The following RAD21 variants were observed in gnomAD, a reference collection of about 807,000 sequenced individuals.
RAD21 encodes RAD21 cohesin complex component, also known as double-strand-break repair protein rad21 homolog.
RAD21 carries 18 observed loss-of-function variants against 71.5 expected under a neutral mutation model. The observed-to-expected ratio is 0.25, with a 90% CI of 0.17 to 0.37. RAD21 has a LOEUF of 0.37. Among genes scored for constraint, RAD21 ranks in the 10% least tolerant of loss-of-function variants. RAD21 has a pLI of 1.00. For missense variants in RAD21, 493 were observed against 769.1 expected (o/e 0.64, Z 4.25); for synonymous variants, 248 against 254.0 (o/e 0.98, Z 0.22).
Position 116,847,274 on chromosome 8 carries a change from G to A in RAD21, c.*226C>T, listed in dbSNP as rs577399819. ...GTTAAAATCATCTTCTGAGTCCTTG[G>A]GGTGCTGTTTTCTCCATCAGAACAC... On this transcript the variant is annotated 3_prime_UTR_variant, in exon 14 of 14. Transcript: ENST00000297338. The A allele has an allele frequency of 4.2e-5, 19 of 453,710 alleles. No homozygotes were observed. The South Asian group carries it at 6.7e-4, about 16-fold the overall frequency. 28.1% of individuals were successfully genotyped at this position (453,710 alleles called of 1,614,324 possible).
intron 1 of RAD21, among the ~76,000 whole-genome samples, chr8:116,869,588 A>G (rs1812768841): frequency 6.6e-6 from 1 of 152,194 alleles, no homozygotes; most frequent in African/African-American, 2.4e-5. Context: ...CTGTATAAAA[A>G]GAAAAAAAAA....
chr8:116,851,625 C>T (rs1812350245), intron 11 of RAD21: 1 of 196,770 alleles, frequency 5.1e-6, no homozygotes, highest in Admixed American at 5.9e-5. Flanking sequence ...AATAAGATGA[C>T]CTAAAACTGC....
At chr8:116,873,102 AAT>A (rs1379877548) in intron 1 of RAD21, among the ~76,000 whole-genome samples, 1 of 152,268 alleles carries the variant, frequency 6.6e-6, no homozygotes, top group African/African-American at 2.4e-5. Flanking sequence ...CAGCCAGTAT[AAT>A]CATGCCTAAC....
At chr8:116,865,470 A>G (rs1812670715) in intron 2 of RAD21, among the ~76,000 whole-genome samples, 1 of 152,176 alleles carries the variant, frequency 6.6e-6, no homozygotes, top group African/African-American at 2.4e-5. Context: ...TTCTCATACA[A>G]TTTGACCAGC....
intron 3 of RAD21, 140 bp downstream of exon 3, chr8:116,862,990 C>G: frequency 8.8e-7 from 1 of 1,133,504 alleles, no homozygotes; most frequent in Admixed American, 2.6e-5. Context: ...AAGCCTTGCT[C>G]TATCTTTGAA....
chr8:116,852,434 A>C (rs1812370578), intron 10 of RAD21, 115 bp downstream of exon 10: 14 of 1,181,404 alleles, frequency 1.2e-5, no homozygotes, highest in Non-Finnish European at 1.4e-5. Flanking sequence ...TTCCCTGCCC[A>C]AACATTTGAG....
rs148141928 is a variant in RAD21 at position 116,869,091 on chromosome 8, C to T, written c.-32-2330G>A. ...AAATTTTGACACATCAAAAACACAA[C>T]CCATGAAGGAAAAGTTCTTGCTCAA... is the stretch of plus-strand genomic sequence containing the variant. On this transcript the variant is annotated intron_variant, in intron 1 of 13. Coordinates refer to ENST00000297338, the MANE Select transcript of RAD21 (RefSeq NM_006265.3). 6.6e-5 allele frequency among the ~76,000 whole-genome samples: 10 copies of T among 152,200 alleles called. No individual in the cohort carries two copies. In the East Asian group the frequency reaches 1.7e-3, roughly 26 times the overall value.
At chr8:116,872,934 G>A (rs1586281081) in intron 1 of RAD21, among the ~76,000 whole-genome samples, 1 of 152,172 alleles carries the variant, frequency 6.6e-6, no homozygotes, top group Non-Finnish European at 1.5e-5. Context: ...TCTTTGCTCA[G>A]TTGTTTTGTA....
At chr8:116,856,584 G>A in intron 7 of RAD21, 62 bp downstream of exon 7, 1 of 1,486,268 alleles carries the variant, frequency 6.7e-7, no homozygotes, top group Non-Finnish European at 9.0e-7. Context: ...CATCTTCTAT[G>A]GTAAGTATCT....
intron 8 of RAD21, among the ~76,000 whole-genome samples, chr8:116,855,440 T>TA (rs1812440797): frequency 6.6e-6 from 1 of 152,172 alleles, no homozygotes; most frequent in South Asian, 2.1e-4. Flanking sequence ...CAATGTTACT[T>TA]AAAAAAACTA....
At chr8:116,874,307 G>A (rs1296928202) in intron 1 of RAD21, 1 of 152,984 alleles carries the variant, frequency 6.5e-6, no homozygotes, top group East Asian at 1.9e-4. Context: ...ACGTGAGATG[G>A]ACCTGCAGGG....
chr8:116,857,600 AATAT>A, intron 5 of RAD21, 127 bp from the exon 6 acceptor site: 1 of 816,676 alleles, frequency 1.2e-6, no homozygotes, highest in Non-Finnish European at 1.9e-6. Context: ...CAAATGTTAA[AATAT>A]CTAGTTTAAA....
In RAD21 at chr8:116,856,710, C is replaced by G. The variant is rs1273779182; in HGVS notation, c.750G>C (p.Glu250Asp). 1 of 1,591,074 alleles carries G rather than the reference C, an allele frequency of 6.3e-7. No individual in the cohort carries two copies. The highest frequency in any genetic ancestry group is 8.6e-7 in the Non-Finnish European group (1 of 1,167,900). ...GCTGCTCTGGCAACATCACCCCTGC[C>G]TCAGAGAGGGCAGGGGGATCATCAA... ...GIFDDPPALS[E>D]AGVMLPEQPA... is the part of the protein sequence containing the mutation. Residue 250 changes from glutamate (E) to aspartate (D), a missense_variant, in exon 7 of 14, where the codon GAG becomes GAC. Around this residue, in one of 5 missense-constraint regions of RAD21, gnomAD observed 165 missense variants for 229.6 expected, o/e 0.72. Transcript: ENST00000297338.
At chr8:116,868,936 ACC>A (rs1441344660) in intron 1 of RAD21, among the ~76,000 whole-genome samples, 1 of 151,076 alleles carries the variant, frequency 6.6e-6, no homozygotes. Context: ...GCACGCACAC[ACC>A]CCCCACAAAA....
intron 1 of RAD21, among the ~76,000 whole-genome samples, chr8:116,871,133 G>A (rs1322195226): frequency 3.3e-5 from 5 of 152,152 alleles, no homozygotes; most frequent in Admixed American, 2.0e-4. Context: ...TCTGAATAAG[G>A]AGAAAGTGTA....
Position 116,847,674 on chromosome 8 carries a change from A to G in RAD21, c.1722T>C (p.Thr574=), listed in dbSNP as rs897523799. 7 of 1,612,824 alleles carry G rather than the reference A, an allele frequency of 4.3e-6. No homozygotes were observed. In the African/African-American group the frequency reaches 8.0e-5, roughly 18 times the overall value. The change falls in exon 14 of 14, where the codon ACT becomes ACC. Residue 574 remains threonine (T), a synonymous_variant. Transcript: ENST00000297338. ...LHGLQRALAK[T]GAESISLLEL... Reference sequence around the variant, plus strand: ...CAAGCAAACTGATAGATTCAGCTCCAGTTTTAGCAAGAGCACGCTGAAATA... The same window carrying G: ...CAAGCAAACTGATAGATTCAGCTCCGGTTTTAGCAAGAGCACGCTGAAATA...
intron 3 of RAD21, among the ~76,000 whole-genome samples, chr8:116,862,740 T>C (rs1812615340): frequency 6.6e-6 from 1 of 152,096 alleles, no homozygotes; most frequent in Non-Finnish European, 1.5e-5. Context: ...ACGAAGAATA[T>C]TTACTTAGGA....
chr8:116,847,797 A>T (rs1812276323), intron 13 of RAD21, 106 bp from the exon 14 acceptor site: 1 of 1,097,046 alleles, frequency 9.1e-7, no homozygotes, highest in Non-Finnish European at 1.3e-6. Flanking sequence ...TCTCATGCTG[A>T]AACGTAATTT....
At chr8:116,869,729 A>AT (rs1563694918) in intron 1 of RAD21, among the ~76,000 whole-genome samples, 1 of 152,246 alleles carries the variant, frequency 6.6e-6, no homozygotes, top group African/African-American at 2.4e-5. Flanking sequence ...CACACTTAAT[A>AT]TAAGAGCTAA....
Sources: gnomAD v4.1 joint callset for allele counts (sites outside exome capture counted in the v4.1 genomes callset) on GRCh38, gnomAD v4.1.1 for gene constraint, gnomAD v4.1.1 regional missense constraint, MANE v1.5 for transcripts, NCBI Gene and HGNC (gene_info 2026-07-23, HGNC 2026-07-21) for gene names.